The following DLGAP2 variants were observed in gnomAD, a reference collection of about 807,000 sequenced individuals.
DLGAP2 encodes DLG associated protein 2.
Under a neutral mutation model 100.3 loss-of-function variants are expected in DLGAP2, and 26 were observed. That is an observed-to-expected ratio of 0.26 (90% CI 0.19 to 0.36). The LOEUF is 0.36. Ranked by LOEUF, DLGAP2 falls within the 10% of genes least tolerant of loss-of-function variation. DLGAP2 has a pLI of 1.00. For synonymous variants in DLGAP2, 886 were observed against 630.1 expected (o/e 1.41, Z -6.08); for missense variants, 1,858 against 1,453.2 (o/e 1.28, Z -4.53).
intron 2 of DLGAP2, among the ~76,000 whole-genome samples, chr8:1,153,810 G>C (rs565682408): frequency 6.6e-6 from 1 of 152,142 alleles, no homozygotes; most frequent in Non-Finnish European, 1.5e-5. Flanking sequence ...TCTCATTTCA[G>C]TGGTAAAATT....
chr8:759,158 C>T, intron 1 of DLGAP2, among the ~76,000 whole-genome samples: 1 of 98,830 alleles, frequency 1.0e-5, no homozygotes, highest in African/African-American at 3.1e-5. Context: ...TATCAATACC[C>T]CCCACAGCCT....
At chr8:1,687,804 A>T (rs1336441582) in intron 12 of DLGAP2, among the ~76,000 whole-genome samples, 1 of 152,220 alleles carries the variant, frequency 6.6e-6, no homozygotes, top group Non-Finnish European at 1.5e-5. Context: ...TTTAAATTAC[A>T]GTTTGAGGAA....
At chr8:1,080,268 C>T (rs577999802) in intron 2 of DLGAP2, among the ~76,000 whole-genome samples, 52 of 152,318 alleles carry the variant, frequency 3.4e-4, no homozygotes, top group African/African-American at 9.9e-4. Context: ...GTGATGCGGG[C>T]GCCACCCCCG....
intron 3 of DLGAP2, among the ~76,000 whole-genome samples, chr8:1,359,831 C>T (rs1335421474): frequency 1.3e-5 from 2 of 152,214 alleles, no homozygotes; most frequent in Non-Finnish European, 2.9e-5. Context: ...GGGTTTCTGT[C>T]ACTCTATAAG....
intron 2 of DLGAP2, among the ~76,000 whole-genome samples, chr8:1,110,604 G>A (rs1308637284): frequency 6.6e-6 from 1 of 152,112 alleles, no homozygotes; most frequent in Non-Finnish European, 1.5e-5. Flanking sequence ...TCTGCATCTG[G>A]CATGTGAGAG....
At chr8:973,519 G>A (rs1476441027) in intron 2 of DLGAP2, among the ~76,000 whole-genome samples, 11 of 152,262 alleles carry the variant, frequency 7.2e-5, no homozygotes, top group South Asian at 4.1e-4. Flanking sequence ...GACGATGGGC[G>A]GCCGGGCAGA....
At chr8:1,483,596 A>G (rs1272227324) in intron 3 of DLGAP2, among the ~76,000 whole-genome samples, 14 of 124,184 alleles carry the variant, frequency 1.1e-4, no homozygotes, top group African/African-American at 5.3e-4. Flanking sequence ...GCAGAACGTG[A>G]GGACAAGGGA....
chr8:1,560,932 G>C (rs1161969777), intron 5 of DLGAP2, among the ~76,000 whole-genome samples: 1 of 152,104 alleles, frequency 6.6e-6, no homozygotes, highest in Non-Finnish European at 1.5e-5. Context: ...CATTTACATT[G>C]ACCATGTCAT....
chr8:1,039,753 T>G (rs1802260938), intron 2 of DLGAP2, among the ~76,000 whole-genome samples: 1 of 140,242 alleles, frequency 7.1e-6, no homozygotes, highest in African/African-American at 2.7e-5. Context: ...TCGGTTTCTG[T>G]AGTCGGCTCG....
At chr8:914,998 C>G (rs891872351) in intron 2 of DLGAP2, among the ~76,000 whole-genome samples, 1 of 152,222 alleles carries the variant, frequency 6.6e-6, no homozygotes, top group Non-Finnish European at 1.5e-5. Flanking sequence ...AAACCCCACT[C>G]TCCACCATCC....
At chr8:1,308,527 T>TC (rs1800543395) in intron 3 of DLGAP2, among the ~76,000 whole-genome samples, 2 of 152,182 alleles carry the variant, frequency 1.3e-5, no homozygotes, top group Non-Finnish European at 2.9e-5. Context: ...AATCTTTTTT[T>TC]GTTTTGTTTT....
intron 6 of DLGAP2, among the ~76,000 whole-genome samples, chr8:1,583,545 C>A (rs920086866): frequency 6.6e-6 from 1 of 152,184 alleles, no homozygotes; most frequent in African/African-American, 2.4e-5. Flanking sequence ...GATTAAGAAG[C>A]CTTTCAAAGA....
At chr8:1,161,990 C>T (rs1796900700) in intron 2 of DLGAP2, among the ~76,000 whole-genome samples, 1 of 152,246 alleles carries the variant, frequency 6.6e-6, no homozygotes, top group Non-Finnish European at 1.5e-5. Context: ...TGCTAGAATG[C>T]AGGTGCCTGG....
chr8:1,137,335 C>G (rs534436986), intron 2 of DLGAP2: 1 of 152,762 alleles, frequency 6.5e-6, no homozygotes, highest in African/African-American at 2.4e-5. Context: ...GACTGGTGCA[C>G]CAAATATGGA....
intron 2 of DLGAP2, among the ~76,000 whole-genome samples, chr8:1,119,360 C>A (rs527468578): frequency 7.9e-4 from 120 of 152,348 alleles, no homozygotes; most frequent in African/African-American, 2.8e-3. Context: ...GTTGCCTCCC[C>A]ATGCTCTTAC....
intron 2 of DLGAP2, among the ~76,000 whole-genome samples, chr8:948,764 C>T (rs1434061202): frequency 6.6e-6 from 1 of 152,244 alleles, no homozygotes; most frequent in Non-Finnish European, 1.5e-5. Flanking sequence ...GGGCTCAGGC[C>T]GTGGGGAGCC....
intron 2 of DLGAP2, among the ~76,000 whole-genome samples, chr8:1,190,522 C>T (rs892162178): frequency 3.9e-5 from 6 of 152,128 alleles, no homozygotes; most frequent in Non-Finnish European, 7.3e-5. Context: ...GCACCCGTCC[C>T]GTTCGACGCC....
At chr8:786,075 T>G (rs111333764) in intron 1 of DLGAP2, among the ~76,000 whole-genome samples, 1 of 152,170 alleles carries the variant, frequency 6.6e-6, no homozygotes, top group African/African-American at 2.4e-5. Context: ...GCCCGCCGCC[T>G]CCGTAACCGG....
At chr8:854,262 T>C (rs1392199711) in intron 1 of DLGAP2, among the ~76,000 whole-genome samples, 1 of 152,030 alleles carries the variant, frequency 6.6e-6, no homozygotes, top group Non-Finnish European at 1.5e-5. Flanking sequence ...GTGGGGCTTG[T>C]GTAGGGGACC....
Sources: gnomAD v4.1 joint callset for allele counts (sites outside exome capture counted in the v4.1 genomes callset) on GRCh38, gnomAD v4.1.1 for gene constraint, MANE v1.5 for transcripts, NCBI Gene and HGNC (gene_info 2026-07-23, HGNC 2026-07-21) for gene names.